The following FOCAD variants were observed in gnomAD, a reference collection of about 807,000 sequenced individuals.
The protein encoded by FOCAD is focadhesin.
In FOCAD, 198 loss-of-function variants were observed where a neutral mutation model predicts 225.6. The ratio of observed to expected loss-of-function variants is 0.88; its 90% CI spans 0.78 to 0.99. The LOEUF (loss-of-function observed/expected upper bound fraction) is 0.99, where lower values mean the gene tolerates loss of function less well. Among genes scored for constraint, FOCAD ranks in the 50% least tolerant of loss-of-function variants. The probability of loss-of-function intolerance (pLI) is 0.00; values close to 1 mark genes in which losing one functional copy is unlikely to be tolerated. For missense variants in FOCAD, 2,713 were observed against 2,123.6 expected (o/e 1.28, Z -5.46); for synonymous variants, 897 against 755.0 (o/e 1.19, Z -3.08).
At chr9:20,900,515 T>C (rs1832468335) in intron 21 of FOCAD, among the ~76,000 whole-genome samples, 1 of 151,982 alleles carries the variant, frequency 6.6e-6, no homozygotes, top group Non-Finnish European at 1.5e-5. Flanking sequence ...AACCAATCAT[T>C]TAAAATATAA....
At chr9:20,954,578 G>GT (rs1462811872) in intron 35 of FOCAD, among the ~76,000 whole-genome samples, 13 of 152,144 alleles carry the variant, frequency 8.5e-5, no homozygotes, top group Middle Eastern at 3.2e-3. Context: ...TCGGTTGAAT[G>GT]TAACATTTTT....
intron 28 of FOCAD, among the ~76,000 whole-genome samples, chr9:20,938,351 C>G (rs1836227998): frequency 6.6e-6 from 1 of 152,082 alleles, no homozygotes; most frequent in Admixed American, 6.5e-5. Context: ...CAATGATAGA[C>G]TGGATTAAGA....
chr9:20,800,082 G>C (rs546796681), intron 11 of FOCAD, among the ~76,000 whole-genome samples: 3 of 152,046 alleles, frequency 2.0e-5, no homozygotes, highest in Non-Finnish European at 2.9e-5. Context: ...GTCTGTAAAG[G>C]ATTTTATTTC....
intron 19 of FOCAD, 145 bp downstream of exon 19, chr9:20,874,952 A>G (rs868521000): frequency 4.9e-6 from 5 of 1,022,404 alleles, no homozygotes; most frequent in South Asian, 2.9e-5. Flanking sequence ...CATCTGTTCT[A>G]TTGAAACAGC....
chr9:20,810,464 C>CT lies in FOCAD; in HGVS notation c.1456-9331dup, dbSNP rs1451902242. 1.2e-4 allele frequency among the ~76,000 whole-genome samples: 18 copies of CT among 152,138 alleles called. 1 individual carries two copies. The East Asian group carries it at 2.9e-3, about 25-fold the overall frequency. On this transcript the variant is annotated intron_variant, in intron 11 of 43. Transcript: ENST00000338382. ...ACATTGGCTTTTAACTTTTATTTGA[C>CT]TAGTCAGACTGCCAAAGATTTAGAG...
intron 11 of FOCAD, among the ~76,000 whole-genome samples, chr9:20,799,352 G>A (rs554836669): frequency 1.3e-5 from 2 of 152,306 alleles, no homozygotes; most frequent in South Asian, 2.1e-4. Flanking sequence ...TTCTGTAGAT[G>A]TCTATTAGGT....
At chr9:20,926,511 C>T (rs548169139) in intron 26 of FOCAD, 94 bp downstream of exon 26, 42 of 777,326 alleles carry the variant, frequency 5.4e-5, no homozygotes, top group Middle Eastern at 5.2e-4. Context: ...AGGCCAGGCG[C>T]GGTGGCTCAC....
intron 2 of FOCAD, among the ~76,000 whole-genome samples, chr9:20,660,821 A>C (rs1821693681): frequency 6.6e-6 from 1 of 152,120 alleles, no homozygotes; most frequent in East Asian, 1.9e-4. Flanking sequence ...AAGTTAGAAA[A>C]AGAGCATACA....
At chr9:20,657,943 C>T (rs1330512401), upstream of FOCAD, among the ~76,000 whole-genome samples, 63 of 138,462 alleles carry the variant, frequency 4.5e-4, no homozygotes, top group Non-Finnish European at 8.2e-4. Flanking sequence ...TGGTGATGTA[C>T]AGATGGGTTT....
In FOCAD at chr9:20,717,854, C is replaced by T. The variant is rs1407227991; in HGVS notation, c.118C>T (p.Gln40Ter). 6.2e-7 allele frequency: 1 copy of T among 1,611,818 alleles called. No individual in the cohort carries two copies. ...KENGFSEKIH[Q>*]STNQTPALNL... ...AAATGGTTTTTCAGAAAAGATTCAC[C>T]AATCTACAAATCAGGTCTGTGTTTA... The change falls in exon 3 of 44, where the codon CAA becomes TAA. Residue 40 changes from glutamine to a stop codon, truncating the protein, a stop_gained. Transcript: ENST00000338382. LOFTEE classifies it high-confidence loss of function.
chr9:20,942,151 G>A (rs796532560), intron 28 of FOCAD, among the ~76,000 whole-genome samples: 3 of 152,322 alleles, frequency 2.0e-5, no homozygotes, highest in Admixed American at 6.5e-5. Context: ...TGTTACACCA[G>A]TCACTTAACT....
rs149336395 is a variant in FOCAD at position 20,886,600 on chromosome 9, T to C, written c.2625+1370T>C. Among the ~76,000 whole-genome samples, 69 of 152,296 alleles carry C rather than the reference T, an allele frequency of 4.5e-4. No homozygotes were observed. In the East Asian group the frequency reaches 0.013, roughly 29 times the overall value. On this transcript the variant is annotated intron_variant, in intron 21 of 43. Coordinates refer to ENST00000338382, the MANE Select transcript of FOCAD (RefSeq NM_001375567.1). ...GATATAAGCACAGAAAATCTTTGGG[T>C]TAAGATACTTGTTGCTTGTGCTGTA...
intron 11 of FOCAD, among the ~76,000 whole-genome samples, chr9:20,799,448 G>T (rs182127282): frequency 2.0e-5 from 3 of 152,138 alleles, no homozygotes; most frequent in Non-Finnish European, 4.4e-5. Flanking sequence ...ACAGTGGGGT[G>T]TTAAAGTCTC....
intron 5 of FOCAD, among the ~76,000 whole-genome samples, chr9:20,742,534 C>G (rs1827720359): frequency 6.6e-6 from 1 of 152,172 alleles, no homozygotes; most frequent in Non-Finnish European, 1.5e-5. Context: ...ACCTTGGACT[C>G]CATCTAAGAG....
Position 20,823,988 on chromosome 9 carries a change from G to A in FOCAD, c.1920+873G>A, listed in dbSNP as rs1030251696. Among the ~76,000 whole-genome samples the A allele has an allele frequency of 3.9e-5, 6 of 152,116 alleles. No homozygotes were observed. The South Asian group carries it at 8.3e-4, about 21-fold the overall frequency. On this transcript the variant is annotated intron_variant, in intron 15 of 43. Coordinates refer to ENST00000338382, the MANE Select transcript of FOCAD (RefSeq NM_001375567.1). Reference sequence around the variant, plus strand: ...CAGAGAGAGGTTAGATATTTACGCCGGATCTTGGTATGAGAATACACTTCT... The same window carrying A: ...CAGAGAGAGGTTAGATATTTACGCCAGATCTTGGTATGAGAATACACTTCT...
intron 1 of FOCAD, among the ~76,000 whole-genome samples, chr9:20,685,981 G>A (rs755197702): frequency 1.6e-4 from 25 of 152,066 alleles, no homozygotes; most frequent in Non-Finnish European, 2.8e-4. Flanking sequence ...CCGGTAAATC[G>A]TTTGGCCTTT....
chr9:20,797,892 G>A (rs1821310549), intron 11 of FOCAD, among the ~76,000 whole-genome samples: 1 of 152,126 alleles, frequency 6.6e-6, no homozygotes, highest in South Asian at 2.1e-4. Context: ...TGTCGAATGG[G>A]AGTGGTGAGA....
At chr9:20,954,262 A>T (rs1487767328) in intron 35 of FOCAD, among the ~76,000 whole-genome samples, 1 of 152,336 alleles carries the variant, frequency 6.6e-6, no homozygotes, top group East Asian at 1.9e-4. Context: ...AGTCTACTTA[A>T]AATAAATATT....
At chr9:20,771,517 G>A (rs1254726670) in intron 8 of FOCAD, among the ~76,000 whole-genome samples, 2 of 152,106 alleles carry the variant, frequency 1.3e-5, no homozygotes, top group Admixed American at 6.5e-5. Flanking sequence ...CCAGCACTTT[G>A]GGAGGCCGAG....
Sources: allele counts gnomAD v4.1 joint callset (sites outside exome capture counted in the v4.1 genomes callset), GRCh38; gene constraint gnomAD v4.1.1; transcripts MANE v1.5; gene names NCBI Gene and HGNC (gene_info 2026-07-23, HGNC 2026-07-21).